Variants in ATL1 observed in about 807,000 individuals in gnomAD.
ATL1 encodes atlastin GTPase 1, also known as atlastin-1.
A neutral mutation model predicts 75.5 loss-of-function variants in ATL1; 31 were observed. The ratio of observed to expected loss-of-function variants is 0.41; its 90% CI spans 0.31 to 0.55. ATL1 has a LOEUF of 0.55. ATL1 is among the 20% of genes least tolerant of loss of function. ATL1 has a pLI of 0.27. For synonymous variants in ATL1, 226 were observed against 233.3 expected (o/e 0.97, Z 0.28); for missense variants, 405 against 662.6 (o/e 0.61, Z 4.27).
At chr14:50,600,452 A>G (rs1213288799) in intron 6 of ATL1, among the ~76,000 whole-genome samples, 1 of 152,232 alleles carries the variant, frequency 6.6e-6, no homozygotes, top group African/African-American at 2.4e-5. Flanking sequence ...CTCATTAAGT[A>G]GTAAAGGTGG....
In ATL1 at chr14:50,632,411, CAT is replaced by C; in HGVS notation, c.*73_*74del. 1 of 1,036,100 alleles carries C rather than the reference CAT, an allele frequency of 9.7e-7. No homozygotes were observed. Among genetic ancestry groups the C allele is most frequent in the South Asian group, 1.3e-5 (1 of 75,124 alleles). 64.2% of individuals were successfully genotyped at this position (1,036,100 alleles called of 1,614,324 possible). On this transcript the variant is annotated 3_prime_UTR_variant, in exon 14 of 14. Coordinates refer to ENST00000358385, the MANE Select transcript of ATL1 (RefSeq NM_015915.5). ...ATTCAGTTTTATGTCTCCATGCAAA[CAT>C]TCAAAGTGCTTCCATCAGAACGGAG... is the stretch of plus-strand genomic sequence containing the variant.
intron 8 of ATL1, among the ~76,000 whole-genome samples, chr14:50,618,897 T>TC (rs1027392614): frequency 4.2e-5 from 6 of 141,294 alleles, no homozygotes; most frequent in African/African-American, 1.6e-4. Flanking sequence ...ATATATTTTT[T>TC]TTTCTTTCTT....
intron 6 of ATL1, among the ~76,000 whole-genome samples, chr14:50,610,530 A>T (rs2039355990): frequency 6.6e-6 from 1 of 152,140 alleles, no homozygotes; most frequent in Non-Finnish European, 1.5e-5. Flanking sequence ...ATTCAAAATA[A>T]GAGCTCAGGT....
chr14:50,543,661 T>G (rs1246477728), intron 1 of ATL1, among the ~76,000 whole-genome samples: 1 of 152,164 alleles, frequency 6.6e-6, no homozygotes, highest in Admixed American at 6.5e-5. Context: ...AGAAAACCCC[T>G]GTAAGGATGT....
intron 6 of ATL1, among the ~76,000 whole-genome samples, chr14:50,612,507 T>TA (rs1156897915): frequency 2.0e-5 from 3 of 152,320 alleles, no homozygotes; most frequent in East Asian, 1.9e-4. Flanking sequence ...CTTCTAATGG[T>TA]AAAAAAATCA....
rs1360849938 is a variant in ATL1, at chr14:50,574,955, A to G, written c.35-12876A>G. ...TGTGTGTGTATATATATATATATAT[A>G]TATATATATATATATATATATTAGC... On this transcript the variant is annotated intron_variant, in intron 1 of 13. Transcript: ENST00000358385. Among the ~76,000 whole-genome samples, 34 of 132,684 alleles carry G rather than the reference A, an allele frequency of 2.6e-4. 1 individual carries two copies. The highest frequency in any genetic ancestry group is 2.2e-3 in the Admixed American group (30 of 13,548). The allele number at this position is 132,684 out of a possible 152,430, so 87.0% of individuals were successfully genotyped here.
intron 1 of ATL1, among the ~76,000 whole-genome samples, chr14:50,562,524 A>G (rs2038860078): frequency 6.6e-6 from 1 of 152,190 alleles, no homozygotes. Flanking sequence ...TTAGCATTTT[A>G]GGTGATTGGG....
In ATL1 at chr14:50,628,435, C is replaced by T; in HGVS notation, c.1524C>T (p.Asp508=). ...ACCGAGAGCTGGGAGCTGTAATAGA[C>T]CAGGTGGCTGCAGCTCTGTGGGACC... ...GEYRELGAVI[D]QVAAALWDQG... is the part of the protein sequence containing the mutation. The change falls in exon 12 of 14, where the codon GAC becomes GAT. Residue 508 remains aspartate (D), a synonymous_variant. Transcript: ENST00000358385. 6.2e-7 allele frequency: 1 copy of T among 1,614,068 alleles called. No individual in the cohort carries two copies. Among genetic ancestry groups the T allele is most frequent in the South Asian group, 1.1e-5 (1 of 91,060 alleles).
intron 1 of ATL1, among the ~76,000 whole-genome samples, chr14:50,574,246 A>G (rs1400695034): frequency 6.6e-6 from 1 of 152,200 alleles, no homozygotes; most frequent in Non-Finnish European, 1.5e-5. Context: ...ATGTGCTGCA[A>G]GTCTCATGGC....
intron 7 of ATL1, among the ~76,000 whole-genome samples, chr14:50,613,869 C>T (rs1269378681): frequency 6.6e-6 from 1 of 152,120 alleles, no homozygotes; most frequent in Non-Finnish European, 1.5e-5. Flanking sequence ...GTATTAAAAA[C>T]TATCAAATAT....
intron 1 of ATL1, among the ~76,000 whole-genome samples, chr14:50,550,093 A>C (rs866167560): frequency 6.6e-6 from 1 of 152,180 alleles, no homozygotes; most frequent in Non-Finnish European, 1.5e-5. Flanking sequence ...AAGTGATCCC[A>C]GCTGTACTCT....
intron 13 of ATL1, chr14:50,630,810 A>T: frequency 2.9e-6 from 1 of 350,822 alleles, no homozygotes; most frequent in South Asian, 2.2e-5. Context: ...AAGCAAAAGC[A>T]AATTTCAGCT....
chr14:50,570,913 G>A lies in ATL1; in HGVS notation c.34+10614G>A, dbSNP rs189479014. Among the ~76,000 whole-genome samples the A allele has an allele frequency of 5.9e-5, 9 of 152,224 alleles. No homozygotes were observed. In the East Asian group the frequency reaches 1.7e-3, roughly 29 times the overall value. Reference sequence around the variant, plus strand: ...TAGGATGTCTCCATGTCAAGGATCAGCCTGAGATGTAAACTTAAGATCTTC... The same window carrying A: ...TAGGATGTCTCCATGTCAAGGATCAACCTGAGATGTAAACTTAAGATCTTC... On this transcript the variant is annotated intron_variant, in intron 1 of 13. Coordinates refer to ENST00000358385, the MANE Select transcript of ATL1 (RefSeq NM_015915.5).
intron 2 of ATL1, among the ~76,000 whole-genome samples, chr14:50,590,265 C>A (rs551187074): frequency 6.2e-4 from 94 of 152,310 alleles, no homozygotes; most frequent in Non-Finnish European, 1.2e-3. Flanking sequence ...AGAATAGTAT[C>A]TTTCTACCAC....
chr14:50,630,532 A>G (rs1176605921), intron 13 of ATL1, among the ~76,000 whole-genome samples: 2 of 152,338 alleles, frequency 1.3e-5, no homozygotes, highest in East Asian at 3.9e-4. Context: ...CTCCTACCGC[A>G]CATGTGCAAC....
intron 11 of ATL1, among the ~76,000 whole-genome samples, chr14:50,625,899 C>T (rs1232765991): frequency 5.2e-5 from 6 of 115,500 alleles, no homozygotes; most frequent in African/African-American, 1.8e-4. Context: ...TGAGACCCGT[C>T]TCAAAAAAAA....
chr14:50,613,192 GT>G (rs1032987254), intron 6 of ATL1, 66 bp from the exon 7 acceptor site: 1 of 1,123,138 alleles, frequency 8.9e-7, no homozygotes, highest in African/African-American at 1.5e-5. Context: ...ATTATAACTG[GT>G]TTCCATATAA....
intron 1 of ATL1, among the ~76,000 whole-genome samples, chr14:50,540,974 T>G (rs2140145253): frequency 6.6e-6 from 1 of 152,364 alleles, no homozygotes; most frequent in Non-Finnish European, 1.5e-5. Flanking sequence ...AGAATGTGGA[T>G]TATTAAAAAT....
At chr14:50,580,653 C>T (rs2039046705) in intron 1 of ATL1, among the ~76,000 whole-genome samples, 1 of 152,188 alleles carries the variant, frequency 6.6e-6, no homozygotes, top group South Asian at 2.1e-4. Context: ...ATAACAGATA[C>T]TGGCTTATGA....
Sources: gnomAD v4.1 joint callset for allele counts (sites outside exome capture counted in the v4.1 genomes callset) on GRCh38, gnomAD v4.1.1 for gene constraint, MANE v1.5 for transcripts, NCBI Gene and HGNC (gene_info 2026-07-23, HGNC 2026-07-21) for gene names.